The following KANK1 variants were observed in gnomAD, a reference collection of about 807,000 sequenced individuals.
KANK1 encodes the protein KN motif and ankyrin repeat domain-containing protein 1.
KANK1 carries 109 observed loss-of-function variants against 106.2 expected under a neutral mutation model. The observed-to-expected ratio is 1.03, with a 90% CI of 0.88 to 1.20. The LOEUF is 1.20. Ranked by LOEUF, KANK1 falls within the 50% of genes most tolerant of loss-of-function variation. The pLI is 0.00. For synonymous variants in KANK1, 873 were observed against 652.2 expected (o/e 1.34, Z -5.16); for missense variants, 2,399 against 1,710.7 (o/e 1.40, Z -7.10).
At chr9:643,561 T>TG (rs1838969515) in intron 1 of KANK1, among the ~76,000 whole-genome samples, 1 of 146,808 alleles carries the variant, frequency 6.8e-6, no homozygotes, top group African/African-American at 2.6e-5. Context: ...TTTTTTTTTT[T>TG]TTTGGTAGTG....
intron 3 of KANK1, among the ~76,000 whole-genome samples, chr9:474,726 G>C (rs2132060518): frequency 1.3e-5 from 2 of 152,260 alleles, no homozygotes; most frequent in East Asian, 3.9e-4. Context: ...CTCCTCCCCT[G>C]AAATGGGGTT....
chr9:619,915 T>A (rs1005854220), intron 1 of KANK1, among the ~76,000 whole-genome samples: 5 of 152,088 alleles, frequency 3.3e-5, no homozygotes, highest in African/African-American at 7.2e-5. Flanking sequence ...GGCGAGCAGA[T>A]CACCTGAAGT....
intron 3 of KANK1, among the ~76,000 whole-genome samples, chr9:473,865 A>G (rs1215977907): frequency 6.6e-6 from 1 of 151,966 alleles, no homozygotes; most frequent in Non-Finnish European, 1.5e-5. Flanking sequence ...ACACCTAGCT[A>G]ATTTTTGTAT....
intron 1 of KANK1, among the ~76,000 whole-genome samples, chr9:539,105 T>C (rs1014432426): frequency 1.3e-5 from 2 of 152,200 alleles, no homozygotes; most frequent in African/African-American, 4.8e-5. Context: ...GGTCTTGAAC[T>C]CCTGGCCTCA....
intron 2 of KANK1, among the ~76,000 whole-genome samples, chr9:690,395 G>C (rs12379030): frequency 1.3e-5 from 2 of 151,888 alleles, no homozygotes; most frequent in Admixed American, 1.3e-4. Flanking sequence ...TTCAGCAGTA[G>C]AGTAAGCAGT....
At chr9:483,943 C>A (rs941780371) in intron 3 of KANK1, among the ~76,000 whole-genome samples, 9 of 152,102 alleles carry the variant, frequency 5.9e-5, no homozygotes, top group African/African-American at 1.9e-4. Flanking sequence ...AGAAGATACC[C>A]CATAAAAGGG....
intron 1 of KANK1, among the ~76,000 whole-genome samples, chr9:614,987 C>T (rs1021051153): frequency 6.6e-6 from 1 of 151,210 alleles, no homozygotes; most frequent in South Asian, 2.1e-4. Flanking sequence ...GGGTCTCAGG[C>T]TGGAGTGCAG....
rs537467934 is a variant in KANK1 at position 716,578 on chromosome 9, C to T, written c.2698+3114C>T. ...GTTCAGTCCAGAGTCATTCAGAATC[C>T]GTGTCAAAGCTCAAAACGAAGTATA... On this transcript the variant is annotated intron_variant, in intron 3 of 11. Coordinates refer to ENST00000382297, the MANE Select transcript of KANK1 (RefSeq NM_015158.5). Among the ~76,000 whole-genome samples, 7 of 152,180 alleles carry T rather than the reference C, an allele frequency of 4.6e-5. No individual in the cohort carries two copies. The East Asian group carries it at 5.8e-4, about 13-fold the overall frequency.
rs192768426 is a variant in KANK1 at position 496,932 on chromosome 9, A to G, written c.-362+23659A>G. ...GAATGCTCTATAAATATTTTATAAT[A>G]GTAACAATGATATAATAATTATAAT... On this transcript the variant is annotated intron_variant, in intron 3 of 15. Coordinates refer to the KANK1 transcript ENST00000382303. Among the ~76,000 whole-genome samples, 486 of 152,328 alleles carry G rather than the reference A, an allele frequency of 3.2e-3. 2 individuals are homozygous for G. Among genetic ancestry groups the G allele is most frequent in the Non-Finnish European group, 5.4e-3 (369 of 68,038 alleles).
chr9:522,618 G>C (rs2059602299), intron 1 of KANK1, among the ~76,000 whole-genome samples: 1 of 151,776 alleles, frequency 6.6e-6, no homozygotes, highest in African/African-American at 2.4e-5. Flanking sequence ...GGTTGAACTG[G>C]CAGAAGGCAA....
intron 1 of KANK1, among the ~76,000 whole-genome samples, chr9:568,875 A>C (rs1818475444): frequency 6.6e-6 from 1 of 152,190 alleles, no homozygotes; most frequent in African/African-American, 2.4e-5. Context: ...GATCATGACC[A>C]CTTAAAAAAC....
chr9:478,124 C>T (rs766704046), intron 3 of KANK1: 1 of 211,072 alleles, frequency 4.7e-6, no homozygotes, highest in Non-Finnish European at 9.5e-6. Flanking sequence ...GAACCAGAGA[C>T]AGAAAGAAGC....
intron 1 of KANK1, among the ~76,000 whole-genome samples, chr9:573,541 A>G (rs921813686): frequency 2.6e-5 from 4 of 152,090 alleles, no homozygotes; most frequent in Non-Finnish European, 5.9e-5. Context: ...AAGTGCTGGG[A>G]TTACAGGCAT....
At chr9:642,167 A>G (rs1838612894) in intron 1 of KANK1, among the ~76,000 whole-genome samples, 1 of 151,470 alleles carries the variant, frequency 6.6e-6, no homozygotes, top group African/African-American at 2.5e-5. Context: ...CTGACACGGC[A>G]GATGCTGGGC....
intron 1 of KANK1, among the ~76,000 whole-genome samples, chr9:510,421 G>A (rs984559867): frequency 6.6e-6 from 1 of 152,136 alleles, no homozygotes; most frequent in African/African-American, 2.4e-5. Context: ...CATGACCAAG[G>A]AGTGTTCATT....
chr9:622,843 A>C (rs1293019417), intron 1 of KANK1, among the ~76,000 whole-genome samples: 4 of 152,144 alleles, frequency 2.6e-5, no homozygotes, highest in Non-Finnish European at 1.5e-5. Context: ...CGGAGGTTGC[A>C]GTGAGCTGAG....
intron 2 of KANK1, chr9:684,487 C>T: frequency 1.0e-6 from 1 of 985,414 alleles, no homozygotes; most frequent in Non-Finnish European, 1.2e-6. Flanking sequence ...TTCTAAGAGA[C>T]TGGGTAGCCA....
At chr9:626,932 C>T (rs533986252) in intron 1 of KANK1, among the ~76,000 whole-genome samples, 90 of 152,172 alleles carry the variant, frequency 5.9e-4, no homozygotes, top group African/African-American at 2.1e-3. Context: ...CACTGGTGTA[C>T]ATCGGTGCTT....
intron 1 of KANK1, among the ~76,000 whole-genome samples, chr9:554,970 G>T (rs960625597): frequency 2.6e-5 from 4 of 152,146 alleles, no homozygotes; most frequent in African/African-American, 9.7e-5. Context: ...TTCAAATGCT[G>T]ATCTCTTCTT....
Sources: allele counts gnomAD v4.1 joint callset (sites outside exome capture counted in the v4.1 genomes callset), GRCh38; gene constraint gnomAD v4.1.1; transcripts MANE v1.5; gene names NCBI Gene and HGNC (gene_info 2026-07-23, HGNC 2026-07-21).